RTN4RL2: variants seen among roughly 807,000 people sequenced by gnomAD.
The protein encoded by RTN4RL2 is reticulon-4 receptor-like 2.
Under a neutral mutation model 27.8 loss-of-function variants are expected in RTN4RL2, and 9 were observed. That is an observed-to-expected ratio of 0.32 (90% CI 0.20 to 0.57). The LOEUF (loss-of-function observed/expected upper bound fraction) is 0.57, where lower values mean the gene tolerates loss of function less well. Among genes scored for constraint, RTN4RL2 ranks in the 20% least tolerant of loss-of-function variants. RTN4RL2 has a pLI of 0.90. For missense variants in RTN4RL2, 436 were observed against 596.8 expected (o/e 0.73, Z 2.81); for synonymous variants, 285 against 297.9 (o/e 0.96, Z 0.45).
At chr11:57,468,233 T>C in intron 2 of RTN4RL2, 143 bp downstream of exon 2, 5 of 926,270 alleles carry the variant, frequency 5.4e-6, no homozygotes, top group Non-Finnish European at 8.1e-6. Flanking sequence ...TCTCTGTCTA[T>C]GTCTCTTTTC....
intron 1 of RTN4RL2, among the ~76,000 whole-genome samples, chr11:57,464,810 G>A (rs1943509568): frequency 6.6e-6 from 1 of 152,186 alleles, no homozygotes; most frequent in South Asian, 2.1e-4. Flanking sequence ...TGGTTCAGAT[G>A]AGGGGTGAGA....
At chr11:57,464,647 A>C (rs917125266) in intron 1 of RTN4RL2, among the ~76,000 whole-genome samples, 3 of 152,078 alleles carry the variant, frequency 2.0e-5, no homozygotes, top group African/African-American at 7.2e-5. Flanking sequence ...GCTCTCTCTG[A>C]GCTCCAGTCA....
At chr11:57,461,383 AAG>A (rs1423612996) in intron 1 of RTN4RL2, among the ~76,000 whole-genome samples, 2 of 144,396 alleles carry the variant, frequency 1.4e-5, no homozygotes, top group African/African-American at 5.0e-5. Context: ...GGGCGCTAGA[AAG>A]AGGATAGTTC....
chr11:57,468,012 C>T lies in RTN4RL2; in HGVS notation c.435C>T (p.Ser145=). ...ATTTGTACCGCTGCCAGCTCAGCAGCCTGCCCGGCAACATCTTCCGAGGCC... is the reference window on the plus strand; with the variant it reads ...ATTTGTACCGCTGCCAGCTCAGCAGTCTGCCCGGCAACATCTTCCGAGGCC... ...SLHLYRCQLS[S]LPGNIFRGLV... The change falls in exon 2 of 3, where the codon AGC becomes AGT. Residue 145 remains serine (S), a synonymous_variant. Transcript: ENST00000335099. 2.5e-6 allele frequency: 4 copies of T among 1,602,610 alleles called. No individual in the cohort carries two copies. Among genetic ancestry groups the T allele is most frequent in the Non-Finnish European group, 3.4e-6 (4 of 1,179,956 alleles).
intron 2 of RTN4RL2, among the ~76,000 whole-genome samples, chr11:57,474,793 C>T (rs1476296612): frequency 1.3e-5 from 2 of 152,202 alleles, no homozygotes; most frequent in Admixed American, 6.5e-5. Flanking sequence ...TCCAGGAATC[C>T]CCACTGGCCG....
intron 2 of RTN4RL2, among the ~76,000 whole-genome samples, chr11:57,474,339 C>G (rs1394561689): frequency 6.6e-6 from 1 of 152,078 alleles, no homozygotes; most frequent in Non-Finnish European, 1.5e-5. Flanking sequence ...TGGGAGGGGG[C>G]GAGAACAGGC....
intron 1 of RTN4RL2, among the ~76,000 whole-genome samples, chr11:57,462,345 C>G (rs537733432): frequency 6.6e-6 from 1 of 152,182 alleles, no homozygotes; most frequent in Non-Finnish European, 1.5e-5. Context: ...CCTCAGCTCC[C>G]ACCTCCTCAG....
intron 2 of RTN4RL2, among the ~76,000 whole-genome samples, chr11:57,474,703 T>G (rs1943586319): frequency 6.6e-6 from 1 of 152,224 alleles, no homozygotes; most frequent in Non-Finnish European, 1.5e-5. Flanking sequence ...AAAAGTGAGC[T>G]GGGCTGATGG....
chr11:57,473,976 G>A (rs1481823285), intron 2 of RTN4RL2, among the ~76,000 whole-genome samples: 4 of 143,498 alleles, frequency 2.8e-5, no homozygotes, highest in African/African-American at 5.2e-5. Flanking sequence ...CCCAACCCCC[G>A]GCCCCTTATC....
At chr11:57,463,863 C>G (rs1007990113) in intron 1 of RTN4RL2, among the ~76,000 whole-genome samples, 2 of 151,926 alleles carry the variant, frequency 1.3e-5, no homozygotes, top group African/African-American at 4.8e-5. Context: ...CCCCCCAGTC[C>G]CACCACCTCT....
chr11:57,477,245 T>C lies in RTN4RL2; in HGVS notation c.*334T>C. 1 of 266,488 alleles carries C rather than the reference T, an allele frequency of 3.8e-6. No individual in the cohort carries two copies. Among genetic ancestry groups the C allele is most frequent in the Non-Finnish European group, 7.1e-6 (1 of 141,476 alleles). The allele number at this position is 266,488 out of a possible 1,614,324, so 16.5% of individuals were successfully genotyped here. A position where few individuals can be genotyped will look rare whatever the true frequency, so the allele number is the denominator to read the frequency against. On this transcript the variant is annotated 3_prime_UTR_variant, in exon 3 of 3. Coordinates refer to ENST00000335099, the MANE Select transcript of RTN4RL2 (RefSeq NM_178570.3). Reference sequence around the variant, plus strand: ...GGCCCACAGCGGACACCAGAGGGGCTTTTGTCTGCAGAGCGTCTTCCACCA... The same window carrying C: ...GGCCCACAGCGGACACCAGAGGGGCCTTTGTCTGCAGAGCGTCTTCCACCA...
rs751164171 is a variant in RTN4RL2 at position 57,470,270 on chromosome 11, C to T, written c.513+2180C>T. 6.4e-4 allele frequency among the ~76,000 whole-genome samples: 97 copies of T among 151,686 alleles called. 3 individuals are homozygous for T. Among genetic ancestry groups the T allele is most frequent in the African/African-American group, 2.4e-4 (10 of 41,378 alleles). On this transcript the variant is annotated intron_variant, in intron 2 of 2. Transcript: ENST00000335099. ...TAATAATAATCTTTTTTTTTTGAGA[C>T]GACGTCCCACTCTATCGCCCAGGCT... is the stretch of plus-strand genomic sequence containing the variant.
intron 2 of RTN4RL2, among the ~76,000 whole-genome samples, chr11:57,473,083 C>T (rs1019040911): frequency 6.6e-6 from 1 of 152,200 alleles, no homozygotes; most frequent in African/African-American, 2.4e-5. Flanking sequence ...ATGGTAAGAG[C>T]TCAATCAGTT....
rs1465739601 is a variant in RTN4RL2 at position 57,467,650 on chromosome 11, C to A, written c.73C>A (p.Pro25Thr). 1 of 1,610,210 alleles carries A rather than the reference C, an allele frequency of 6.2e-7. No individual in the cohort carries two copies. Among genetic ancestry groups the A allele is most frequent in the Non-Finnish European group, 8.5e-7 (1 of 1,178,654 alleles). Reference protein sequence around the residue: ...ACLLLMLLALPLAAPSCPMLC... With the variant: ...ACLLLMLLALTLAAPSCPMLC... ...CCTCCTGCTGATGCTCCTGGCCCTG[C>A]CCCTGGCGGCCCCCAGCTGCCCCAT... Residue 25 changes from proline (P) to threonine (T), a missense_variant, in exon 2 of 3, where the codon CCC (proline) becomes ACC (threonine). Physicochemically the swap from Pro to Thr is conservative, Grantham distance 38 (BLOSUM62 -1). Transcript: ENST00000335099. The surrounding 1 kb of genome is among the most constrained non-coding windows in gnomAD (Gnocchi z 5.5).
Position 57,477,049 on chromosome 11 carries a change from G to A in RTN4RL2, c.*138G>A. 1 of 874,558 alleles carries A rather than the reference G, an allele frequency of 1.1e-6. No homozygotes were observed. Among genetic ancestry groups the A allele is most frequent in the Non-Finnish European group, 1.6e-6 (1 of 609,714 alleles). The allele number at this position is 874,558 out of a possible 1,614,324, so 54.2% of individuals were successfully genotyped here. A position where few individuals can be genotyped will look rare whatever the true frequency, so the allele number is the denominator to read the frequency against. On this transcript the variant is annotated 3_prime_UTR_variant, in exon 3 of 3. Coordinates refer to ENST00000335099, the MANE Select transcript of RTN4RL2 (RefSeq NM_178570.3). ...CCCTCCCAGCTCCTCTCCTCCCCGGGGAGCAGGCCGCCTCTCCTTGCCTGC... is the reference window on the plus strand; with the variant it reads ...CCCTCCCAGCTCCTCTCCTCCCCGGAGAGCAGGCCGCCTCTCCTTGCCTGC...
chr11:57,464,857 T>G (rs1943510059), intron 1 of RTN4RL2, among the ~76,000 whole-genome samples: 1 of 151,556 alleles, frequency 6.6e-6, no homozygotes, highest in East Asian at 1.9e-4. Flanking sequence ...TCTAAGAAAC[T>G]CGGGAGGAGA....
chr11:57,460,731 G>T lies in RTN4RL2; in HGVS notation c.-135G>T. On this transcript the variant is annotated 5_prime_UTR_variant, in exon 1 of 3. Transcript: ENST00000335099. ...CGGGCGGCGCAGGGTAGAGCGCCGC[G>T]GCCCGGCCACGCAGCCCGGGGACTC... is the stretch of plus-strand genomic sequence containing the variant. 2.6e-6 allele frequency: 1 copy of T among 390,102 alleles called. No individual in the cohort carries two copies. The highest frequency in any genetic ancestry group is 9.1e-5 in the South Asian group (1 of 11,002). The allele number at this position is 390,102 out of a possible 1,614,324, so 24.2% of individuals were successfully genotyped here.
intron 1 of RTN4RL2, among the ~76,000 whole-genome samples, chr11:57,466,733 G>A (rs1036722804): frequency 2.0e-5 from 3 of 152,156 alleles, no homozygotes; most frequent in Non-Finnish European, 2.9e-5. Context: ...CATTTCACAC[G>A]GGCCTCAGAT....
chr11:57,460,693 G>A lies in RTN4RL2; in HGVS notation c.-173G>A, dbSNP rs1360887635. On this transcript the variant is annotated 5_prime_UTR_variant, in exon 1 of 3. Transcript: ENST00000335099. ...CCCGTCGGGGCCGATGGCTCCTCCC[G>A]AGGCCCGCAGCCCGGGCGGCGCAGG... is the stretch of plus-strand genomic sequence containing the variant. The A allele has an allele frequency of 9.7e-6, 3 of 308,976 alleles. No homozygotes were observed. Among genetic ancestry groups the A allele is most frequent in the East Asian group, 1.0e-4 (2 of 19,364 alleles). The allele number at this position is 308,976 out of a possible 1,614,324, so 19.1% of individuals were successfully genotyped here. A position where few individuals can be genotyped will look rare whatever the true frequency, so the allele number is the denominator to read the frequency against.
Sources: gnomAD v4.1 joint callset for allele counts (sites outside exome capture counted in the v4.1 genomes callset) on GRCh38, gnomAD v4.1.1 for gene constraint, Gnocchi (gnomAD v3.1) non-coding constraint, MANE v1.5 for transcripts, NCBI Gene and HGNC (gene_info 2026-07-23, HGNC 2026-07-21) for gene names.